The following THSD7B variants were observed in gnomAD, a reference collection of about 807,000 sequenced individuals.
THSD7B encodes thrombospondin type-1 domain-containing protein 7B.
Under a neutral mutation model 213.6 loss-of-function variants are expected in THSD7B, and 138 were observed. That is an observed-to-expected ratio of 0.65 (90% CI 0.56 to 0.74). The LOEUF is 0.74. Ranked by LOEUF, THSD7B falls within the 30% of genes least tolerant of loss-of-function variation. The pLI is 0.00. For synonymous variants in THSD7B, 742 were observed against 687.0 expected (o/e 1.08, Z -1.25); for missense variants, 1,931 against 1,991.5 (o/e 0.97, Z 0.58).
chr2:137,053,250 G>C (rs1046717722), intron 2 of THSD7B, among the ~76,000 whole-genome samples: 1 of 152,038 alleles, frequency 6.6e-6, no homozygotes, highest in Admixed American at 6.6e-5. Context: ...ATAATTTTTA[G>C]AGTTAATATT....
At chr2:137,287,522 A>T (rs978122795) in intron 12 of THSD7B, among the ~76,000 whole-genome samples, 16 of 152,110 alleles carry the variant, frequency 1.1e-4, no homozygotes, top group African/African-American at 3.9e-4. Context: ...TTCAGGTAGA[A>T]TGTGCACACT....
chr2:137,430,749 G>A (rs1050743834), intron 14 of THSD7B, among the ~76,000 whole-genome samples: 1 of 152,222 alleles, frequency 6.6e-6, no homozygotes, highest in Non-Finnish European at 1.5e-5. Flanking sequence ...TAAAATCAAA[G>A]GTAGAGAAAC....
intron 15 of THSD7B, among the ~76,000 whole-genome samples, chr2:137,525,656 A>G (rs1202374929): frequency 1.3e-5 from 2 of 152,192 alleles, no homozygotes; most frequent in South Asian, 2.1e-4. Flanking sequence ...TTTAAATATC[A>G]TTAATAACAG....
At chr2:137,400,364 C>G (rs1668955607) in intron 12 of THSD7B, among the ~76,000 whole-genome samples, 1 of 151,768 alleles carries the variant, frequency 6.6e-6, no homozygotes, top group Non-Finnish European at 1.5e-5. Flanking sequence ...ACAGTAGCTT[C>G]TTATTTGTGA....
At chr2:137,551,751 C>A (rs190311466) in intron 15 of THSD7B, among the ~76,000 whole-genome samples, 1 of 151,946 alleles carries the variant, frequency 6.6e-6, no homozygotes, top group Non-Finnish European at 1.5e-5. Context: ...ACAAACCAGG[C>A]GTGATGGGAA....
chr2:137,662,003 C>A (rs1034442088), intron 25 of THSD7B, among the ~76,000 whole-genome samples: 1 of 151,990 alleles, frequency 6.6e-6, no homozygotes, highest in Admixed American at 6.6e-5. Flanking sequence ...CCCATTTGCC[C>A]AGCTCCTGAG....
At chr2:137,531,265 AG>A (rs1680392339) in intron 15 of THSD7B, among the ~76,000 whole-genome samples, 1 of 151,998 alleles carries the variant, frequency 6.6e-6, no homozygotes, top group Admixed American at 6.6e-5. Flanking sequence ...CAGTCTTATC[AG>A]AGTGTGATGT....
At chr2:137,338,623 A>G (rs1214830743) in intron 12 of THSD7B, among the ~76,000 whole-genome samples, 1 of 152,146 alleles carries the variant, frequency 6.6e-6, no homozygotes, top group Non-Finnish European at 1.5e-5. Flanking sequence ...TAAATGCAAC[A>G]AAGTTTTTAA....
In THSD7B at chr2:137,031,529, G is replaced by GT. The variant is rs563899685; in HGVS notation, c.140-24887dup. 1.5e-3 allele frequency among the ~76,000 whole-genome samples: 224 copies of GT among 152,236 alleles called. 1 individual carries two copies. The highest frequency in any genetic ancestry group is 5.3e-3 in the African/African-American group (219 of 41,528). ...TCTCCATGTGGACAAGCATATGAAAGTTTTGTTCATCGGTACATATCTAGG... is the reference window on the plus strand; with the variant it reads ...TCTCCATGTGGACAAGCATATGAAAGTTTTTGTTCATCGGTACATATCTAGG... On this transcript the variant is annotated intron_variant, in intron 2 of 27. Transcript: ENST00000409968.
chr2:137,197,273 CAG>C (rs1225137296), intron 7 of THSD7B, among the ~76,000 whole-genome samples: 1 of 152,044 alleles, frequency 6.6e-6, no homozygotes, highest in African/African-American at 2.4e-5. Context: ...ATGTACACAG[CAG>C]AGAGAGATGG....
At chr2:137,482,046 C>T (rs1688321442) in intron 15 of THSD7B, among the ~76,000 whole-genome samples, 1 of 151,990 alleles carries the variant, frequency 6.6e-6, no homozygotes, top group African/African-American at 2.4e-5. Flanking sequence ...GGCGTGGTGG[C>T]AGATGCCTGT....
At chr2:137,508,815 T>G (rs890390503) in intron 15 of THSD7B, among the ~76,000 whole-genome samples, 1 of 151,984 alleles carries the variant, frequency 6.6e-6, no homozygotes, top group Non-Finnish European at 1.5e-5. Context: ...TTATAGAAAA[T>G]ACCCTGTGCC....
intron 7 of THSD7B, among the ~76,000 whole-genome samples, chr2:137,178,302 T>C (rs1254827848): frequency 2.9e-4 from 44 of 152,082 alleles, no homozygotes; most frequent in Non-Finnish European, 2.9e-5. Flanking sequence ...AGATGAGTTA[T>C]TTAGGTTTAG....
intron 12 of THSD7B, among the ~76,000 whole-genome samples, chr2:137,373,780 A>G (rs1403696481): frequency 6.6e-6 from 1 of 152,154 alleles, no homozygotes; most frequent in African/African-American, 2.4e-5. Context: ...GCCCATGCCT[A>G]TGTCCTGAAT....
chr2:136,969,244 A>G (rs1236276832), intron 2 of THSD7B, among the ~76,000 whole-genome samples: 1 of 152,114 alleles, frequency 6.6e-6, no homozygotes, highest in Non-Finnish European at 1.5e-5. Context: ...AATCTAGCTT[A>G]TCCTCAAGTC....
intron 10 of THSD7B, among the ~76,000 whole-genome samples, chr2:137,247,427 A>G (rs1682064536): frequency 6.6e-6 from 1 of 152,192 alleles, no homozygotes; most frequent in South Asian, 2.1e-4. Context: ...AGTTGAGATA[A>G]TTGCCAGATA....
At chr2:136,930,928 A>G (rs1189432365) in intron 2 of THSD7B, among the ~76,000 whole-genome samples, 1 of 152,158 alleles carries the variant, frequency 6.6e-6, no homozygotes, top group Admixed American at 6.5e-5. Context: ...TCAATATAGT[A>G]CTACATTCCC....
At chr2:137,453,246 G>C (rs532145683) in intron 15 of THSD7B, among the ~76,000 whole-genome samples, 1 of 151,230 alleles carries the variant, frequency 6.6e-6, no homozygotes, top group African/African-American at 2.4e-5. Flanking sequence ...TGAATACAGT[G>C]TGGAAAAATT....
chr2:137,360,289 C>G (rs1243005065), intron 12 of THSD7B, among the ~76,000 whole-genome samples: 1 of 152,122 alleles, frequency 6.6e-6, no homozygotes. Context: ...CTGCAGCTCT[C>G]AGTGTGATCG....
Sources: allele counts gnomAD v4.1 joint callset (sites outside exome capture counted in the v4.1 genomes callset), GRCh38; gene constraint gnomAD v4.1.1; transcripts MANE v1.5; gene names NCBI Gene and HGNC (gene_info 2026-07-23, HGNC 2026-07-21).